The following COL22A1 variants were observed in gnomAD, a reference collection of about 807,000 sequenced individuals.
COL22A1 encodes collagen type XXII alpha 1 chain.
COL22A1 carries 221 observed loss-of-function variants against 248.9 expected under a neutral mutation model. That is an observed-to-expected ratio of 0.89 (90% CI 0.80 to 0.99). The LOEUF (loss-of-function observed/expected upper bound fraction) is 0.99. Among genes scored for constraint, COL22A1 ranks in the 50% least tolerant of loss-of-function variants. The probability of loss-of-function intolerance (pLI) is 0.00; values close to 1 mark genes in which losing one functional copy is unlikely to be tolerated. For missense variants in COL22A1, 2,240 were observed against 2,179.0 expected, an observed-to-expected ratio of 1.03 and a Z score of -0.56; for synonymous variants, 891 against 793.4, an observed-to-expected ratio of 1.12 and a Z score of -2.07.
Position 138,882,936 on chromosome 8 carries a change from ACT to A in COL22A1, c.91+144_91+145del, listed in dbSNP as rs1824351326. On this transcript the variant is annotated intron_variant, in intron 2 of 64. Transcript: ENST00000303045. ...TTGTCCCTAGGTTAGAAGGCAGCTG[ACT>A]CACACTTGGATTCCGGACTCTCCCT... 5.6e-6 allele frequency: 4 copies of A among 716,110 alleles called. No individual in the cohort carries two copies. In the East Asian group the frequency reaches 1.1e-4, roughly 20 times the overall value. 44.4% of individuals were successfully genotyped at this position (716,110 alleles called of 1,614,324 possible). A position where few individuals can be genotyped will look rare whatever the true frequency, so the allele number is the denominator to read the frequency against.
At chr8:138,592,214 A>C (rs191290919) in intron 63 of COL22A1, among the ~76,000 whole-genome samples, 1 of 152,304 alleles carries the variant, frequency 6.6e-6, no homozygotes, top group African/African-American at 2.4e-5. Flanking sequence ...AGAGTGATCC[A>C]TTTTCTCTGG....
At chr8:138,636,532 A>AAAGGAAAGGCAAGGCAAGGC (rs59983327) in intron 48 of COL22A1, among the ~76,000 whole-genome samples, 1 of 82,336 alleles carries the variant, frequency 1.2e-5, no homozygotes, top group East Asian at 4.0e-4. Context: ...AAAGGAAAGG[A>AAAGGAAAGGCAAGGCAAGGC]AAGGCAGGGA....
chr8:138,903,386 A>G (rs911172620), intron 1 of COL22A1, among the ~76,000 whole-genome samples: 2 of 152,166 alleles, frequency 1.3e-5, no homozygotes, highest in Admixed American at 6.5e-5. Context: ...GGGGCCTTCA[A>G]TGTTGTGGTT....
Position 138,879,626 on chromosome 8 carries a change from G to T in COL22A1, c.92-1310C>A, listed in dbSNP as rs75054297. On this transcript the variant is annotated intron_variant, in intron 2 of 64. Coordinates refer to ENST00000303045, the MANE Select transcript of COL22A1 (RefSeq NM_152888.3). ...AGAATCCTTTGAGCCGGGAGGTGGAGGTTGCAGTGAGCCAATATCACATCA... is the reference window on the plus strand; with the variant it reads ...AGAATCCTTTGAGCCGGGAGGTGGATGTTGCAGTGAGCCAATATCACATCA... Among the ~76,000 whole-genome samples, 386 of 147,812 alleles carry T rather than the reference G, an allele frequency of 2.6e-3. 1 individual carries two copies. Among genetic ancestry groups the T allele is most frequent in the African/African-American group, 9.3e-3 (370 of 39,892 alleles).
intron 3 of COL22A1, among the ~76,000 whole-genome samples, chr8:138,875,599 G>C (rs1228306550): frequency 6.6e-6 from 1 of 152,126 alleles, no homozygotes; most frequent in Non-Finnish European, 1.5e-5. Context: ...CCTGTGCCTA[G>C]TTCTTATCTG....
intron 10 of COL22A1, among the ~76,000 whole-genome samples, chr8:138,806,002 GTGTGACGGTGTAGGTA>G (rs1817595400): frequency 1.5e-5 from 1 of 65,302 alleles, no homozygotes; most frequent in Non-Finnish European, 3.6e-5. Context: ...TGGTGTGTGT[GTGTGACGGTGTAGGTA>G]ATGGTGTGTG....
rs777365678 is a variant in COL22A1, at chr8:138,722,003, C to T, written c.2301+33G>A. Reference sequence around the variant, plus strand: ...CTCTTTAGTTTCTGTGTTTTGGGTTCCCAAACTGGTGCCAACCGCATCAGT... The same window carrying T: ...CTCTTTAGTTTCTGTGTTTTGGGTTTCCAAACTGGTGCCAACCGCATCAGT... On this transcript the variant is annotated intron_variant, in intron 26 of 64. Transcript: ENST00000303045. The T allele has an allele frequency of 5.2e-6, 8 of 1,544,000 alleles. No homozygotes were observed. The East Asian group carries it at 1.4e-4, about 28-fold the overall frequency.
intron 27 of COL22A1, among the ~76,000 whole-genome samples, chr8:138,717,621 T>TCACA (rs145471635): frequency 0.04 from 6,075 of 151,982 alleles, 184 homozygotes; most frequent in East Asian, 0.13. Flanking sequence ...ATACCACCAC[T>TCACA]CACAAATGAT....
intron 54 of COL22A1, among the ~76,000 whole-genome samples, chr8:138,616,670 C>A (rs147880449): frequency 1.3e-5 from 2 of 152,332 alleles, no homozygotes; most frequent in African/African-American, 4.8e-5. Flanking sequence ...TGAGTCCAGA[C>A]TTATTTGGCC....
chr8:138,619,576 T>G, intron 52 of COL22A1, 68 bp from the exon 53 acceptor site: 1 of 1,464,558 alleles, frequency 6.8e-7, no homozygotes, highest in Non-Finnish European at 9.6e-7. Flanking sequence ...CCTGGCTCTC[T>G]GTGTTTCCTA....
intron 16 of COL22A1, among the ~76,000 whole-genome samples, chr8:138,773,307 C>A (rs999737114): frequency 6.6e-6 from 1 of 152,142 alleles, no homozygotes; most frequent in Non-Finnish European, 1.5e-5. Context: ...TTCTGGCTGC[C>A]CCCCGAGGGA....
rs761436915 is a variant in COL22A1, at chr8:138,716,194, C to T, written c.2463+33G>A. ...GCTCTCTGTGGAGATGGGCGAGGTTCCTGTGTGGGAGGAAGGAAGCTGCCA... is the reference window on the plus strand; with the variant it reads ...GCTCTCTGTGGAGATGGGCGAGGTTTCTGTGTGGGAGGAAGGAAGCTGCCA... On this transcript the variant is annotated intron_variant, in intron 29 of 64. Coordinates refer to ENST00000303045, the MANE Select transcript of COL22A1 (RefSeq NM_152888.3). The T allele has an allele frequency of 2.6e-6, 4 of 1,540,830 alleles. No homozygotes were observed. In the Admixed American group the frequency reaches 7.7e-5, roughly 30 times the overall value.
chr8:138,754,725 C>T (rs1023253853), intron 21 of COL22A1, among the ~76,000 whole-genome samples: 7 of 152,208 alleles, frequency 4.6e-5, no homozygotes, highest in East Asian at 3.8e-4. Flanking sequence ...GAGGCTGAAA[C>T]GTCCCAGGCC....
chr8:138,634,984 G>A (rs1478182877), intron 49 of COL22A1, 26 bp downstream of exon 49: 4 of 1,506,824 alleles, frequency 2.7e-6, no homozygotes, highest in South Asian at 1.1e-5. Flanking sequence ...GGCCGAAAGA[G>A]GAGGGGATTA....
chr8:138,648,037 G>A lies in COL22A1; in HGVS notation c.3448-1355C>T, dbSNP rs140789606. Among the ~76,000 whole-genome samples the A allele has an allele frequency of 7.5e-4, 115 of 152,334 alleles. 1 individual carries two copies. The highest frequency in any genetic ancestry group is 2.6e-3 in the African/African-American group (107 of 41,580). ...AATGGGAAAGACCCATGACATGGAT[G>A]TAAGTACATTCAAACATGTTTATTT... On this transcript the variant is annotated intron_variant, in intron 46 of 64. Coordinates refer to ENST00000303045, the MANE Select transcript of COL22A1 (RefSeq NM_152888.3).
intron 23 of COL22A1, among the ~76,000 whole-genome samples, chr8:138,733,670 G>T (rs1278930128): frequency 6.6e-6 from 1 of 152,136 alleles, no homozygotes; most frequent in African/African-American, 2.4e-5. Context: ...ATCCTGCTCT[G>T]GGCCTCCACA....
intron 27 of COL22A1, among the ~76,000 whole-genome samples, chr8:138,720,171 C>A (rs1006580119): frequency 6.6e-6 from 1 of 152,112 alleles, no homozygotes; most frequent in Admixed American, 6.5e-5. Flanking sequence ...TCCATTTCCC[C>A]CTCAGGTCCA....
rs776789022 is a variant in COL22A1 at position 138,775,988 on chromosome 8, T to C, written c.1781A>G (p.Glu594Gly). 2 of 1,613,438 alleles carry C rather than the reference T, an allele frequency of 1.2e-6. No homozygotes were observed. The highest frequency in any genetic ancestry group is 2.2e-5 in the East Asian group (1 of 44,890). The change falls in exon 16 of 65, where the codon GAA (glutamate) becomes GGA (glycine). Residue 594 changes from glutamate (E) to glycine (G), a missense_variant. Glu to Gly is a moderately conservative substitution (Grantham distance 98). Coordinates refer to ENST00000303045, the MANE Select transcript of COL22A1 (RefSeq NM_152888.3). ...TACCTTTTCTCCTCGAGTTCCCTTT[T>C]CACCTCGTTCTCCTTGGAGACCCTG... ...GAPGLQGERG[E>G]KGTRGEKGER...
In COL22A1 at chr8:138,690,833, A is replaced by G; in HGVS notation, c.2796T>C (p.Pro932=). 2 of 1,610,166 alleles carry G rather than the reference A, an allele frequency of 1.2e-6. No individual in the cohort carries two copies. The highest frequency in any genetic ancestry group is 2.2e-5 in the East Asian group (1 of 44,560). The change falls in exon 36 of 65, where the codon CCT becomes CCC. Residue 932 remains proline (P), a synonymous_variant. Transcript: ENST00000303045. ...CCCAATTACTCACCACACTTCCTGGAGGGCCACTGGGACCGGGGGCACCGA... is the reference window on the plus strand; with the variant it reads ...CCCAATTACTCACCACACTTCCTGGGGGGCCACTGGGACCGGGGGCACCGA... The part of the protein sequence containing the change: ...GHVGAPGPSG[P]PGSVGAPGLR...
Sources: gnomAD v4.1 joint callset for allele counts (sites outside exome capture counted in the v4.1 genomes callset) on GRCh38, gnomAD v4.1.1 for gene constraint, MANE v1.5 for transcripts, NCBI Gene and HGNC (gene_info 2026-07-23, HGNC 2026-07-21) for gene names.